TNRC6B: variants seen among roughly 807,000 people sequenced by gnomAD.
TNRC6B encodes the protein trinucleotide repeat-containing gene 6B protein.
A neutral mutation model predicts 203.6 loss-of-function variants in TNRC6B; 52 were observed. That is an observed-to-expected ratio of 0.26 (90% CI 0.20 to 0.32). The LOEUF (loss-of-function observed/expected upper bound fraction) is 0.32. TNRC6B is among the 10% of genes least tolerant of loss of function. The pLI is 1.00. For synonymous variants in TNRC6B, 838 were observed against 845.7 expected (o/e 0.99, Z 0.16); for missense variants, 1,923 against 2,286.2 (o/e 0.84, Z 3.24).
At chr22:40,201,136 G>A (rs560869338) in intron 1 of TNRC6B, among the ~76,000 whole-genome samples, 6 of 152,264 alleles carry the variant, frequency 3.9e-5, no homozygotes, top group Admixed American at 6.5e-5. Context: ...GTTATCATTC[G>A]TACTTTTATA....
intron 15 of TNRC6B, among the ~76,000 whole-genome samples, chr22:40,307,506 T>G (rs1466666422): frequency 6.6e-6 from 1 of 152,168 alleles, no homozygotes; most frequent in Non-Finnish European, 1.5e-5. Context: ...TTTGAGAGTT[T>G]TTATGAACAG....
At chr22:40,276,973 C>A in intron 7 of TNRC6B, 104 bp from the exon 8 acceptor site, 1 of 761,628 alleles carries the variant, frequency 1.3e-6, no homozygotes, top group South Asian at 3.2e-5. Flanking sequence ...AGAAATAGGA[C>A]TTAAAAAGGT....
At chr22:40,120,214 T>C (rs1461062539) in intron 2 of TNRC6B, among the ~76,000 whole-genome samples, 4 of 151,732 alleles carry the variant, frequency 2.6e-5, no homozygotes, top group Non-Finnish European at 5.9e-5. Flanking sequence ...AAAAATTAGC[T>C]GGGCATGGTG....
At chr22:40,162,592 T>C (rs945286519) in intron 4 of TNRC6B, among the ~76,000 whole-genome samples, 5 of 152,206 alleles carry the variant, frequency 3.3e-5, no homozygotes, top group Non-Finnish European at 7.3e-5. Context: ...TATTTGGCCA[T>C]AGGAAAGTTG....
At chr22:40,252,266 G>A (rs938149576) in intron 3 of TNRC6B, among the ~76,000 whole-genome samples, 1 of 152,226 alleles carries the variant, frequency 6.6e-6, no homozygotes, top group African/African-American at 2.4e-5. Flanking sequence ...CCTAGCAGAT[G>A]TATTTTGAAA....
intron 4 of TNRC6B, among the ~76,000 whole-genome samples, chr22:40,163,450 C>T (rs1230708268): frequency 2.4e-5 from 2 of 84,298 alleles, no homozygotes; most frequent in African/African-American, 9.0e-5. Context: ...GAATGAGACC[C>T]TGTCTCAAAA....
At chr22:40,274,931 G>A (rs2070618257) in intron 7 of TNRC6B, among the ~76,000 whole-genome samples, 1 of 152,072 alleles carries the variant, frequency 6.6e-6, no homozygotes. Context: ...ATACGAAATG[G>A]GCATCCAATA....
At chr22:40,276,933 C>T in intron 7 of TNRC6B, 144 bp from the exon 8 acceptor site, 1 of 504,452 alleles carries the variant, frequency 2.0e-6, no homozygotes, top group Non-Finnish European at 3.3e-6. Flanking sequence ...TTTAAACTAA[C>T]ATAAAATATC....
In TNRC6B at chr22:40,241,966, T is replaced by C. The variant is rs1314956095; in HGVS notation, c.6-4049T>C. On this transcript the variant is annotated intron_variant, in intron 1 of 22. Transcript: ENST00000454349. ...GTGGTCATTTGACGGATCCCATCAT[T>C]CTTTGAGCACTCTTTTGCTTCTTGG... is the stretch of plus-strand genomic sequence containing the variant. Among the ~76,000 whole-genome samples, 5 of 152,224 alleles carry C rather than the reference T, an allele frequency of 3.3e-5. No homozygotes were observed. In the East Asian group the frequency reaches 9.6e-4, roughly 29 times the overall value.
At position 40,070,933 on chromosome 22, in the gene TNRC6B, G is replaced by C. The variant is rs138531108; in HGVS notation, c.-121+25935G>C. Reference sequence around the variant, plus strand: ...GTGGGTAGACTATAAATAGTTTCATGTCAGTTCAGGTCAGACCTTGCCACC... The same window carrying C: ...GTGGGTAGACTATAAATAGTTTCATCTCAGTTCAGGTCAGACCTTGCCACC... On this transcript the variant is annotated intron_variant, in intron 1 of 23. Transcript: ENST00000301923. Among the ~76,000 whole-genome samples, 5 of 152,292 alleles carry C rather than the reference G, an allele frequency of 3.3e-5. No homozygotes were observed. In the East Asian group the frequency reaches 9.6e-4, roughly 29 times the overall value.
At chr22:40,065,516 C>G (rs1438827441) in intron 1 of TNRC6B, among the ~76,000 whole-genome samples, 2 of 152,098 alleles carry the variant, frequency 1.3e-5, no homozygotes, top group Non-Finnish European at 2.9e-5. Context: ...CTGTTTCTTA[C>G]AAAGTCAGTT....
intron 12 of TNRC6B, among the ~76,000 whole-genome samples, chr22:40,294,850 G>A (rs1186888754): frequency 6.6e-6 from 1 of 152,242 alleles, no homozygotes; most frequent in Non-Finnish European, 1.5e-5. Flanking sequence ...GGGGGAAATT[G>A]TGGAGGACGT....
rs895602500 is a variant in TNRC6B, at chr22:40,081,703, T to G, written c.-120-35352T>G. On this transcript the variant is annotated intron_variant, in intron 1 of 23. Coordinates refer to the TNRC6B transcript ENST00000301923. The stretch of plus-strand genomic sequence containing the variant: ...CTTTATAGGGTTCTTGTGAACTAAA[T>G]GAGACAGTATCTCTGAAACGCTTAG... Among the ~76,000 whole-genome samples the G allele has an allele frequency of 2.6e-5, 4 of 152,372 alleles. No homozygotes were observed. In the East Asian group the frequency reaches 7.7e-4, roughly 29 times the overall value.
intron 1 of TNRC6B, among the ~76,000 whole-genome samples, chr22:40,098,729 T>C (rs1214253873): frequency 6.6e-6 from 1 of 152,112 alleles, no homozygotes; most frequent in Non-Finnish European, 1.5e-5. Context: ...TTTAATTTTT[T>C]TTAGTTTTTT....
chr22:40,138,987 A>G (rs2068623283), intron 3 of TNRC6B, among the ~76,000 whole-genome samples: 1 of 152,236 alleles, frequency 6.6e-6, no homozygotes, highest in South Asian at 2.1e-4. Flanking sequence ...TATAGTATAC[A>G]GCTCAATGGT....
In TNRC6B at chr22:40,266,343, A is replaced by T. The variant is rs1488421481; in HGVS notation, c.2113A>T (p.Asn705Tyr). ...AGGCTGGAATGACTACAAGAACAACAACTCTTCCAACTGGGGAGGAGGACG... is the reference window on the plus strand; with the variant it reads ...AGGCTGGAATGACTACAAGAACAACTACTCTTCCAACTGGGGAGGAGGACG... ...TGGWNDYKNN[N>Y]SSNWGGGRPD... The change falls in exon 5 of 23, where the codon AAC (asparagine) becomes TAC (tyrosine). Residue 705 changes from asparagine (N) to tyrosine (Y), a missense_variant. This residue lies in a region of TNRC6B where 599 missense variants were observed against 656.5 expected (regional missense o/e 0.91). Coordinates refer to ENST00000454349, the MANE Select transcript of TNRC6B (RefSeq NM_001162501.2). The T allele has an allele frequency of 6.2e-7, 1 of 1,608,236 alleles. No individual in the cohort carries two copies. Among genetic ancestry groups the T allele is most frequent in the East Asian group, 2.2e-5 (1 of 44,798 alleles).
Position 40,132,021 on chromosome 22 carries a change from A to T in TNRC6B, c.45+6159A>T, listed in dbSNP as rs550830348. Among the ~76,000 whole-genome samples, 4 of 152,312 alleles carry T rather than the reference A, an allele frequency of 2.6e-5. No individual in the cohort carries two copies. In the East Asian group the frequency reaches 7.7e-4, roughly 29 times the overall value. On this transcript the variant is annotated intron_variant, in intron 3 of 23. Transcript: ENST00000301923. Reference sequence around the variant, plus strand: ...ACAGAGTTACCCATGGATCTGTCTTATTGTTCCATATTTTTAGAGGTTAAA... The same window carrying T: ...ACAGAGTTACCCATGGATCTGTCTTTTTGTTCCATATTTTTAGAGGTTAAA...
chr22:40,079,014 C>T (rs546107266), intron 1 of TNRC6B, among the ~76,000 whole-genome samples: 71 of 151,710 alleles, frequency 4.7e-4, no homozygotes, highest in African/African-American at 1.7e-3. Flanking sequence ...GCAGAGGTTG[C>T]AGTGAGCCAA....
At chr22:40,082,311 TTTAAG>T (rs1361826825) in intron 1 of TNRC6B, among the ~76,000 whole-genome samples, 1 of 152,154 alleles carries the variant, frequency 6.6e-6, no homozygotes, top group Non-Finnish European at 1.5e-5. Flanking sequence ...AGAGTTCACA[TTTAAG>T]TTTAGACTGG....
Sources: allele counts gnomAD v4.1 joint callset (sites outside exome capture counted in the v4.1 genomes callset), GRCh38; gene constraint gnomAD v4.1.1; regional missense constraint gnomAD v4.1.1; transcripts MANE v1.5; gene names NCBI Gene and HGNC (gene_info 2026-07-23, HGNC 2026-07-21).